LIN54: variants seen among roughly 807,000 people sequenced by gnomAD.
LIN54 encodes lin-54 DREAM MuvB core complex component.
A neutral mutation model predicts 78.7 loss-of-function variants in LIN54; 9 were observed. The ratio of observed to expected loss-of-function variants is 0.11; its 90% CI spans 0.07 to 0.20. The LOEUF (loss-of-function observed/expected upper bound fraction) is 0.20. Ranked by LOEUF, LIN54 falls within the 10% of genes least tolerant of loss-of-function variation. The pLI, the probability that LIN54 is intolerant of heterozygous loss-of-function variation, is 1.00. For missense variants in LIN54, 573 were observed against 889.9 expected, an observed-to-expected ratio of 0.64 and a Z score of 4.53; for synonymous variants, 269 against 318.4, an observed-to-expected ratio of 0.84 and a Z score of 1.65.
chr4:82,939,300 CTGCCAAGCTGCTCT>C, intron 7 of LIN54, among the ~76,000 whole-genome samples: 1 of 152,218 alleles, frequency 6.6e-6, no homozygotes, highest in East Asian at 1.9e-4. Flanking sequence ...GCTTGCGCTC[CTGCCAAGCTGCTCT>C]CAGCTCCAAA....
At chr4:83,005,272 T>C (rs762963283) in intron 1 of LIN54, among the ~76,000 whole-genome samples, 19 of 151,562 alleles carry the variant, frequency 1.3e-4, no homozygotes, top group Non-Finnish European at 2.6e-4. Context: ...ATAAAATAAG[T>C]TAGGACAATA....
At chr4:83,005,027 T>C (rs541119466) in intron 1 of LIN54, among the ~76,000 whole-genome samples, 1 of 152,222 alleles carries the variant, frequency 6.6e-6, no homozygotes, top group East Asian at 1.9e-4. Flanking sequence ...CCCAAGTAGC[T>C]GGCATTACAG....
chr4:82,932,109 T>TC lies in LIN54; in HGVS notation c.1846-965_1846-964insG, dbSNP rs569198987. 6.5e-3 allele frequency among the ~76,000 whole-genome samples: 973 copies of TC among 149,660 alleles called. 5 individuals are homozygous for TC. The highest frequency in any genetic ancestry group is 0.017 in the Middle Eastern group (5 of 288). ...GTATTTTAATTTTTTTTTTTTTTTT[T>TC]TTTGAGATGGAGTCTCGCTCTGTCT... On this transcript the variant is annotated intron_variant, in intron 11 of 12. Coordinates refer to ENST00000340417, the MANE Select transcript of LIN54 (RefSeq NM_194282.4).
intron 2 of LIN54, among the ~76,000 whole-genome samples, chr4:82,983,312 C>T (rs540415784): frequency 2.2e-4 from 34 of 152,120 alleles, no homozygotes; most frequent in Admixed American, 1.6e-3. Flanking sequence ...CACGCCCCGC[C>T]GATCACTGCA....
At chr4:82,947,235 A>ATATATATATATATTTTT in intron 4 of LIN54, among the ~76,000 whole-genome samples, 4 of 44,292 alleles carry the variant, frequency 9.0e-5, no homozygotes, top group African/African-American at 3.0e-4. Flanking sequence ...ATATATATAT[A>ATATATATATATATTTTT]TTTTTTTTTT....
intron 2 of LIN54, among the ~76,000 whole-genome samples, chr4:82,983,605 A>C (rs548071848): frequency 6.6e-6 from 1 of 152,180 alleles, no homozygotes; most frequent in African/African-American, 2.4e-5. Flanking sequence ...AGTTGGTACA[A>C]CTCTAAAGCC....
Position 82,998,332 on chromosome 4 carries a change from C to G in LIN54, c.-33+12152G>C, listed in dbSNP as rs549539072. ...GGCTGAGGCGGACAGATCACGAGGT[C>G]AGGAGTTCAAGAACGGCCTGGTCAA... On this transcript the variant is annotated intron_variant, in intron 1 of 12. Coordinates refer to ENST00000340417, the MANE Select transcript of LIN54 (RefSeq NM_194282.4). 1.4e-3 allele frequency among the ~76,000 whole-genome samples: 216 copies of G among 152,076 alleles called. 2 individuals carry two copies. The highest frequency in any genetic ancestry group is 4.6e-3 in the African/African-American group (192 of 41,500).
chr4:82,980,559 C>T, intron 2 of LIN54, among the ~76,000 whole-genome samples: 1 of 18,482 alleles, frequency 5.4e-5, no homozygotes, highest in Admixed American at 8.6e-4. Context: ...ATATAAAATA[C>T]AAATCACTTA....
intron 7 of LIN54, among the ~76,000 whole-genome samples, chr4:82,939,146 A>G (rs1473943225): frequency 1.3e-5 from 2 of 152,242 alleles, no homozygotes; most frequent in African/African-American, 4.8e-5. Flanking sequence ...TTATTTTCCA[A>G]TAAATAAACT....
intron 3 of LIN54, among the ~76,000 whole-genome samples, chr4:82,973,619 A>G (rs1725868999): frequency 2.0e-5 from 3 of 152,226 alleles, no homozygotes; most frequent in Admixed American, 6.5e-5. Context: ...TTAAGAGATT[A>G]ATTTTACATT....
At chr4:83,000,523 T>C (rs1728665323) in intron 1 of LIN54, among the ~76,000 whole-genome samples, 1 of 152,206 alleles carries the variant, frequency 6.6e-6, no homozygotes, top group Admixed American at 6.5e-5. Flanking sequence ...ACCTTGACAG[T>C]AAGGAACTGC....
At chr4:82,937,707 G>A (rs1722501394) in intron 8 of LIN54, among the ~76,000 whole-genome samples, 1 of 152,226 alleles carries the variant, frequency 6.6e-6, no homozygotes, top group Non-Finnish European at 1.5e-5. Flanking sequence ...AGTGTGTGGA[G>A]GAGGAAATGG....
At chr4:82,934,708 TA>T in intron 11 of LIN54, among the ~76,000 whole-genome samples, 1 of 152,112 alleles carries the variant, frequency 6.6e-6, no homozygotes, top group East Asian at 1.9e-4. Flanking sequence ...TGCCAATAAA[TA>T]AATAAACTAA....
chr4:82,979,939 CAAAAAAAAAAAAAAA>C (rs70943176), intron 2 of LIN54, among the ~76,000 whole-genome samples: 2 of 49,874 alleles, frequency 4.0e-5, no homozygotes, highest in Admixed American at 6.4e-4. Flanking sequence ...GACTCTGTCT[CAAAAAAAAAAAAAAA>C]AAAAAAAAAA....
At chr4:82,966,858 C>T (rs1185259860) in intron 4 of LIN54, among the ~76,000 whole-genome samples, 2 of 152,150 alleles carry the variant, frequency 1.3e-5, no homozygotes, top group Non-Finnish European at 2.9e-5. Flanking sequence ...ATCTGCCCAC[C>T]TCAACCTACC....
At chr4:82,954,422 ATT>A (rs1247107859) in intron 4 of LIN54, among the ~76,000 whole-genome samples, 2 of 151,112 alleles carry the variant, frequency 1.3e-5, no homozygotes, top group African/African-American at 4.9e-5. Flanking sequence ...TTATTTATTT[ATT>A]TATTTATTTT....
At chr4:82,932,718 G>C (rs1481605053) in intron 11 of LIN54, among the ~76,000 whole-genome samples, 2 of 151,162 alleles carry the variant, frequency 1.3e-5, no homozygotes, top group Non-Finnish European at 2.9e-5. Context: ...TCAGCTACTC[G>C]AGAGGCTGAG....
intron 2 of LIN54, 121 bp from the exon 3 acceptor site, chr4:82,979,127 T>C: frequency 1.7e-6 from 1 of 598,842 alleles, no homozygotes. Flanking sequence ...ACAGAATATA[T>C]CTGTGTGTTA....
Position 82,984,151 on chromosome 4 carries a change from T to C in LIN54, c.684+10A>G, listed in dbSNP as rs767166763. 1.3e-6 allele frequency: 2 copies of C among 1,555,100 alleles called. No homozygotes were observed. Among genetic ancestry groups the C allele is most frequent in the Middle Eastern group, 1.7e-4 (1 of 5,800 alleles). ...GCATTTTAATTAGTAAGCCCCCTTT[T>C]TTCTTTTACCTGTACTGTTTTTAAC... On this transcript the variant is annotated intron_variant, in intron 2 of 12. Transcript: ENST00000340417.
Sources: gnomAD v4.1 joint callset for allele counts (sites outside exome capture counted in the v4.1 genomes callset) on GRCh38, gnomAD v4.1.1 for gene constraint, MANE v1.5 for transcripts, NCBI Gene and HGNC (gene_info 2026-07-23, HGNC 2026-07-21) for gene names.